LRRIQ1: variants seen among roughly 807,000 people sequenced by gnomAD.
LRRIQ1 encodes leucine rich repeats and IQ motif containing 1, also known as leucine-rich repeat- and IQ domain-containing protein 1.
In LRRIQ1, 210 loss-of-function variants were observed where a neutral mutation model predicts 211.9. The ratio of observed to expected loss-of-function variants is 0.99; its 90% confidence interval spans 0.89 to 1.11. LRRIQ1 has a LOEUF of 1.11. LRRIQ1 is among the 50% of genes most tolerant of loss of function. The pLI is 0.00. For missense variants in LRRIQ1, 2,136 were observed against 1,939.5 expected (o/e 1.10, Z -1.90); for synonymous variants, 699 against 650.1 (o/e 1.08, Z -1.14).
downstream of LRRIQ1, among the ~76,000 whole-genome samples, chr12:85,247,830 C>A (rs1459752168): frequency 9.6e-6 from 1 of 104,120 alleles, no homozygotes; most frequent in Non-Finnish European, 2.0e-5. Flanking sequence ...TTTGAACATA[C>A]TGGCCATCTC....
chr12:85,128,056 CAT>C (rs1274305023), intron 18 of LRRIQ1, 23 bp downstream of exon 18: 3 of 1,498,856 alleles, frequency 2.0e-6, no homozygotes, highest in Non-Finnish European at 2.8e-6. Context: ...CTTTTGGTAA[CAT>C]AGTTACAAAA....
At position 85,102,539 on chromosome 12, in the gene LRRIQ1, T is replaced by C. The variant is rs1329455164; in HGVS notation, c.3210-1465T>C. Among the ~76,000 whole-genome samples, 11 of 151,770 alleles carry C rather than the reference T, an allele frequency of 7.2e-5. 1 individual carries two copies. Among genetic ancestry groups the C allele is most frequent in the African/African-American group, 2.7e-4 (11 of 41,406 alleles). The stretch of plus-strand genomic sequence containing the variant: ...TCCCAGCCTCATTATATCATCTACT[T>C]TTTCATCAGTAGTGTATCTTCTTTC... On this transcript the variant is annotated intron_variant, in intron 13 of 26. Coordinates refer to ENST00000393217, the MANE Select transcript of LRRIQ1 (RefSeq NM_001079910.2).
At chr12:85,042,463 G>A (rs1243629599) in intron 3 of LRRIQ1, among the ~76,000 whole-genome samples, 1 of 146,674 alleles carries the variant, frequency 6.8e-6, no homozygotes, top group African/African-American at 2.5e-5. Flanking sequence ...TAAAATAATT[G>A]TTAAAATTAT....
At chr12:85,272,426 T>C in the LRRIQ1 span, among the ~76,000 whole-genome samples, 8 of 152,214 alleles carry the variant, frequency 5.3e-5, no homozygotes, top group Non-Finnish European at 1.2e-4. Context: ...ATAGCATATA[T>C]GAATCAAATA....
chr12:85,193,128 T>C (rs1892692104), intron 24 of LRRIQ1, among the ~76,000 whole-genome samples: 2 of 127,734 alleles, frequency 1.6e-5, no homozygotes, highest in Non-Finnish European at 3.1e-5. Flanking sequence ...TAATTATATA[T>C]ATTTTTATAT....
chr12:85,197,352 C>T (rs941986842), intron 24 of LRRIQ1, among the ~76,000 whole-genome samples: 3 of 151,878 alleles, frequency 2.0e-5, no homozygotes, highest in African/African-American at 7.3e-5. Flanking sequence ...GACTATAAAT[C>T]ATGCTGCTAT....
intron 24 of LRRIQ1, among the ~76,000 whole-genome samples, chr12:85,200,240 G>T (rs1402743978): frequency 6.6e-6 from 1 of 152,138 alleles, no homozygotes; most frequent in Non-Finnish European, 1.5e-5. Flanking sequence ...TTGTGAGTAG[G>T]ATTGCATTAT....
chr12:85,250,845 T>C (rs866014610), intron 1 of LRRIQ1, among the ~76,000 whole-genome samples: 1 of 110,836 alleles, frequency 9.0e-6, no homozygotes, highest in Non-Finnish European at 1.7e-5. Context: ...TATATTATAT[T>C]ATATATAATA....
At position 85,153,022 on chromosome 12, in the gene LRRIQ1, A is replaced by C. The variant is rs1292392108; in HGVS notation, c.4420-2A>C. The C allele has an allele frequency of 2.6e-6, 4 of 1,538,302 alleles. No homozygotes were observed. ...ACACTTATTTACTTTTTTTGTGAAA[A>C]GATTCCTGGAAACTTAAAATGGGAT... On this transcript the variant is annotated splice_acceptor_variant, in intron 20 of 26. Coordinates refer to ENST00000393217, the MANE Select transcript of LRRIQ1 (RefSeq NM_001079910.2). LOFTEE classifies it high-confidence loss of function.
chr12:85,256,990 AGAAGATAATTAGAGGCT>A (rs1896113113), intron 1 of LRRIQ1, among the ~76,000 whole-genome samples: 2 of 126,188 alleles, frequency 1.6e-5, no homozygotes, highest in South Asian at 4.8e-4. Context: ...ATTGGGTGAG[AGAAGATAATTAGAGGCT>A]GAAATGTAAT....
intron 11 of LRRIQ1, among the ~76,000 whole-genome samples, chr12:85,084,346 A>T (rs931914051): frequency 6.6e-6 from 1 of 152,216 alleles, no homozygotes; most frequent in East Asian, 1.9e-4. Context: ...TAAAATAATA[A>T]TTTTTTTGAA....
At chr12:85,217,678 ATGTATATATG>A (rs1452964245) in intron 24 of LRRIQ1, among the ~76,000 whole-genome samples, 1 of 127,734 alleles carries the variant, frequency 7.8e-6, no homozygotes, top group South Asian at 2.2e-4. Context: ...ATGTGTATAT[ATGTATATATG>A]TGTATATATG....
chr12:85,272,091 G>A, the LRRIQ1 span, among the ~76,000 whole-genome samples: 1 of 152,102 alleles, frequency 6.6e-6, no homozygotes, highest in Non-Finnish European at 1.5e-5. Flanking sequence ...ATCCTATATG[G>A]TTTGCCTCAA....
chr12:85,269,728 G>A, the LRRIQ1 span, among the ~76,000 whole-genome samples: 1 of 151,950 alleles, frequency 6.6e-6, no homozygotes, highest in East Asian at 1.9e-4. Context: ...GTATTGGCTG[G>A]AAAAAGCTAG....
intron 24 of LRRIQ1, among the ~76,000 whole-genome samples, chr12:85,192,060 CG>C (rs955984924): frequency 2.0e-5 from 3 of 151,358 alleles, no homozygotes; most frequent in Admixed American, 6.6e-5. Context: ...TTGCGTGTCA[CG>C]GGGGGTTGTT....
intron 1 of LRRIQ1, among the ~76,000 whole-genome samples, chr12:85,254,188 G>A (rs1458464306): frequency 6.6e-6 from 1 of 152,036 alleles, no homozygotes; most frequent in East Asian, 1.9e-4. Context: ...GAGGCCTCAA[G>A]AAGCTCAGCA....
intron 24 of LRRIQ1, among the ~76,000 whole-genome samples, chr12:85,164,333 G>A (rs758140424): frequency 6.6e-6 from 1 of 152,064 alleles, no homozygotes; most frequent in African/African-American, 2.4e-5. Context: ...TGTCTTTATC[G>A]TTTATTAGCT....
intron 17 of LRRIQ1, among the ~76,000 whole-genome samples, chr12:85,125,071 T>C (rs965077193): frequency 1.3e-5 from 2 of 151,632 alleles, no homozygotes; most frequent in African/African-American, 2.4e-5. Flanking sequence ...CCCAGCTACT[T>C]GGGAGGCTGA....
chr12:85,217,346 G>C (rs1457738018), intron 24 of LRRIQ1, among the ~76,000 whole-genome samples: 2 of 149,916 alleles, frequency 1.3e-5, no homozygotes, highest in African/African-American at 2.5e-5. Context: ...TGAAATAAAA[G>C]TTGTAAAGGA....
Sources: gnomAD v4.1 joint callset for allele counts (sites outside exome capture counted in the v4.1 genomes callset) on GRCh38, gnomAD v4.1.1 for gene constraint, MANE v1.5 for transcripts, NCBI Gene and HGNC (gene_info 2026-07-23, HGNC 2026-07-21) for gene names.